The following VWC2 variants were observed in gnomAD, a reference collection of about 807,000 sequenced individuals.
VWC2 encodes brorin.
Under a neutral mutation model 29.8 loss-of-function variants are expected in VWC2, and 14 were observed. That is an observed-to-expected ratio of 0.47 (90% confidence interval 0.31 to 0.74). The LOEUF is 0.74. VWC2 is among the 30% of genes least tolerant of loss of function. VWC2 has a pLI of 0.05. For missense variants in VWC2, 457 were observed against 459.8 expected, an observed-to-expected ratio of 0.99 and a Z score of 0.05; for synonymous variants, 213 against 199.0, an observed-to-expected ratio of 1.07 and a Z score of -0.59.
intron 3 of VWC2, among the ~76,000 whole-genome samples, chr7:49,873,268 C>A (rs780130174): frequency 2.3e-4 from 35 of 152,266 alleles, no homozygotes; most frequent in Admixed American, 3.9e-4. Flanking sequence ...AGTCCAATAT[C>A]AAGAGGCCTG....
intron 3 of VWC2, among the ~76,000 whole-genome samples, chr7:49,836,791 G>A (rs1789676740): frequency 6.6e-6 from 1 of 151,994 alleles, no homozygotes; most frequent in Non-Finnish European, 1.5e-5. Context: ...CATTACAAAA[G>A]AAACCAAACC....
At chr7:49,807,057 A>G (rs1426578454) in intron 3 of VWC2, among the ~76,000 whole-genome samples, 3 of 152,212 alleles carry the variant, frequency 2.0e-5, no homozygotes, top group Non-Finnish European at 4.4e-5. Context: ...ACATCATACA[A>G]ATCAAATACT....
chr7:49,840,552 T>C (rs933458593), intron 3 of VWC2, among the ~76,000 whole-genome samples: 9 of 152,206 alleles, frequency 5.9e-5, no homozygotes, highest in African/African-American at 2.2e-4. Context: ...TATGGATCAC[T>C]GAGCACAAAT....
intron 2 of VWC2, among the ~76,000 whole-genome samples, chr7:49,800,021 C>G (rs1313863731): frequency 1.3e-5 from 2 of 152,192 alleles, no homozygotes; most frequent in Non-Finnish European, 2.9e-5. Flanking sequence ...ATGAGTGCGG[C>G]TGAATCAGGA....
intron 3 of VWC2, among the ~76,000 whole-genome samples, chr7:49,834,738 G>C (rs1253215728): frequency 1.3e-5 from 2 of 152,178 alleles, no homozygotes; most frequent in Non-Finnish European, 2.9e-5. Context: ...TATCAGACAG[G>C]CAATGCCATG....
intron 3 of VWC2, among the ~76,000 whole-genome samples, chr7:49,875,386 A>AAAAAAAC: frequency 6.7e-6 from 1 of 149,776 alleles, no homozygotes; most frequent in African/African-American, 2.4e-5. Flanking sequence ...AAAAAAAAAA[A>AAAAAAAC]AAAAAAAAAA....
intron 3 of VWC2, among the ~76,000 whole-genome samples, chr7:49,804,296 G>A (rs1014327912): frequency 7.2e-5 from 11 of 151,916 alleles, no homozygotes; most frequent in Non-Finnish European, 2.9e-5. Flanking sequence ...TGGGATTGGG[G>A]AAGGAGAGGC....
chr7:49,802,722 C>T lies in VWC2; in HGVS notation c.708C>T (p.Cys236=), dbSNP rs201624892. 319 of 1,614,024 alleles carry T rather than the reference C, an allele frequency of 2.0e-4. 1 individual carries two copies. The highest frequency in any genetic ancestry group is 2.4e-4 in the Non-Finnish European group (288 of 1,180,032). The stretch of plus-strand genomic sequence containing the variant: ...GGCTTGTGTTTCAGGTGTCTCCATG[C>T]GAGAGGTGTCGCTGTGAAGCCAACG... The part of the protein sequence containing the change: ...QTLEEFVVSP[C]ERCRCEANGE... Residue 236 remains cysteine, a synonymous_variant, in exon 3 of 4, where the codon TGC becomes TGT. Transcript: ENST00000340652.
chr7:49,829,794 T>C (rs1189808129), intron 3 of VWC2, among the ~76,000 whole-genome samples: 1 of 152,224 alleles, frequency 6.6e-6, no homozygotes, highest in Admixed American at 6.5e-5. Flanking sequence ...AGTAAATACA[T>C]TAAACAAACA....
At chr7:49,870,280 G>T (rs962372610) in intron 3 of VWC2, among the ~76,000 whole-genome samples, 3 of 152,120 alleles carry the variant, frequency 2.0e-5, no homozygotes, top group Admixed American at 6.5e-5. Flanking sequence ...GGCGCCTGTA[G>T]TCCCAGCTAC....
intron 3 of VWC2, among the ~76,000 whole-genome samples, chr7:49,829,510 C>T (rs1244905138): frequency 1.3e-5 from 2 of 152,208 alleles, no homozygotes; most frequent in African/African-American, 2.4e-5. Flanking sequence ...ATGCCCTTCC[C>T]CTAATATCCC....
chr7:49,790,060 G>A (rs1373981469), intron 2 of VWC2, among the ~76,000 whole-genome samples: 1 of 152,224 alleles, frequency 6.6e-6, no homozygotes, highest in Non-Finnish European at 1.5e-5. Flanking sequence ...AAAGAAGGAG[G>A]TCTTCCTCAT....
chr7:49,793,695 T>C (rs1788517028), intron 2 of VWC2, among the ~76,000 whole-genome samples: 1 of 152,256 alleles, frequency 6.6e-6, no homozygotes, highest in Non-Finnish European at 1.5e-5. Context: ...AATGTGTTTA[T>C]CCACTCTCTT....
At chr7:49,907,018 A>G (rs1379553509) in intron 3 of VWC2, among the ~76,000 whole-genome samples, 1 of 152,232 alleles carries the variant, frequency 6.6e-6, no homozygotes, top group African/African-American at 2.4e-5. Flanking sequence ...CATGTTGAAT[A>G]AACAATGGTG....
At chr7:49,786,376 A>G (rs953836626) in intron 2 of VWC2, among the ~76,000 whole-genome samples, 5 of 152,238 alleles carry the variant, frequency 3.3e-5, no homozygotes, top group South Asian at 4.2e-4. Flanking sequence ...TATTTATCCA[A>G]TCCACCGTTG....
chr7:49,843,231 T>A (rs145358175), intron 3 of VWC2, among the ~76,000 whole-genome samples: 461 of 152,324 alleles, frequency 3.0e-3, no homozygotes, highest in African/African-American at 0.011. Flanking sequence ...TCCAATATTC[T>A]GCCATACTCA....
intron 3 of VWC2, among the ~76,000 whole-genome samples, chr7:49,837,923 C>T (rs1018738994): frequency 1.3e-5 from 2 of 152,084 alleles, no homozygotes; most frequent in African/African-American, 4.8e-5. Context: ...TTTTTCAAAT[C>T]CTTACAGAAA....
intron 3 of VWC2, among the ~76,000 whole-genome samples, chr7:49,867,169 G>A (rs937015792): frequency 6.6e-6 from 1 of 152,200 alleles, no homozygotes; most frequent in African/African-American, 2.4e-5. Flanking sequence ...TGCAAGGAAG[G>A]CCTTTCCCTT....
chr7:49,789,280 TGA>T (rs757271098), intron 2 of VWC2, among the ~76,000 whole-genome samples: 90 of 147,870 alleles, frequency 6.1e-4, no homozygotes, highest in African/African-American at 9.3e-4. Context: ...CGGGTGTGTG[TGA>T]GAGTGTGAGT....
Sources: gnomAD v4.1 joint callset for allele counts (sites outside exome capture counted in the v4.1 genomes callset) on GRCh38, gnomAD v4.1.1 for gene constraint, MANE v1.5 for transcripts, NCBI Gene and HGNC (gene_info 2026-07-23, HGNC 2026-07-21) for gene names.